Variants in INVS observed in about 807,000 individuals in gnomAD.
The protein encoded by INVS is inversion of embryo turning homolog.
A neutral mutation model predicts 108.8 loss-of-function variants in INVS; 86 were observed. That is an observed-to-expected ratio of 0.79 (90% CI 0.66 to 0.95). The LOEUF (loss-of-function observed/expected upper bound fraction) is 0.95. Ranked by LOEUF, INVS falls within the 40% of genes least tolerant of loss-of-function variation. The pLI, the probability that INVS is intolerant of heterozygous loss-of-function variation, is 0.00. For missense variants in INVS, 1,169 were observed against 1,297.4 expected (o/e 0.90, Z 1.52); for synonymous variants, 455 against 473.5 (o/e 0.96, Z 0.51).
intron 16 of INVS, 196 bp downstream of exon 16, chr9:100,298,206 T>C (rs781657889): frequency 5.4e-6 from 8 of 1,487,532 alleles, no homozygotes; most frequent in Non-Finnish European, 7.1e-6. Flanking sequence ...TAAAAGCTAT[T>C]ATTGTTAACA....
At chr9:100,276,983 G>C (rs1394886007) in intron 12 of INVS, among the ~76,000 whole-genome samples, 1 of 152,206 alleles carries the variant, frequency 6.6e-6, no homozygotes, top group Admixed American at 6.5e-5. Context: ...TTCCTGGCTA[G>C]TATATGTGAT....
At chr9:100,197,512 C>T (rs1055435127) in intron 3 of INVS, among the ~76,000 whole-genome samples, 1 of 152,182 alleles carries the variant, frequency 6.6e-6, no homozygotes, top group African/African-American at 2.4e-5. Context: ...GAGTGGGGTG[C>T]ACCACCCTCC....
chr9:100,202,506 ATTTC>A (rs1830561651), intron 3 of INVS, among the ~76,000 whole-genome samples: 1 of 152,100 alleles, frequency 6.6e-6, no homozygotes, highest in Non-Finnish European at 1.5e-5. Context: ...TGTTATACAA[ATTTC>A]TTTATTTCCT....
chr9:100,147,879 A>G (rs146872485), intron 3 of INVS, among the ~76,000 whole-genome samples: 14 of 152,230 alleles, frequency 9.2e-5, no homozygotes, highest in Non-Finnish European at 1.5e-4. Flanking sequence ...ATAAATTGCT[A>G]AGAAAATTTA....
At chr9:100,100,918 G>A (rs1412865550) in intron 1 of INVS, among the ~76,000 whole-genome samples, 133 of 13,106 alleles carry the variant, frequency 0.01, 6 homozygotes, top group African/African-American at 0.045. Flanking sequence ...TATATTATAT[G>A]TATATATATA....
chr9:100,212,352 T>G (rs1203858582), intron 3 of INVS, among the ~76,000 whole-genome samples: 2 of 152,214 alleles, frequency 1.3e-5, no homozygotes, highest in African/African-American at 4.8e-5. Flanking sequence ...ATTTCCAATT[T>G]ATATTCTTTG....
At chr9:100,214,582 A>G (rs1268201528) in intron 3 of INVS, among the ~76,000 whole-genome samples, 2 of 152,240 alleles carry the variant, frequency 1.3e-5, no homozygotes, top group Non-Finnish European at 2.9e-5. Context: ...CAGAAGAAGC[A>G]TATGGATTTG....
chr9:100,185,385 C>T (rs1830022756), intron 3 of INVS, among the ~76,000 whole-genome samples: 2 of 151,468 alleles, frequency 1.3e-5, no homozygotes, highest in Non-Finnish European at 2.9e-5. Context: ...CAACCAGTCA[C>T]CACCTCCATG....
Position 100,180,391 on chromosome 9 carries a change from TAAAG to T in INVS, c.274-45668_274-45665del, listed in dbSNP as rs1829853937. Among the ~76,000 whole-genome samples the T allele has an allele frequency of 2.8e-5, 4 of 141,362 alleles. No homozygotes were observed. In the South Asian group the frequency reaches 9.2e-4, roughly 32 times the overall value. The allele number at this position is 141,362 out of a possible 152,430, so 92.7% of individuals were successfully genotyped here. A position where few individuals can be genotyped will look rare whatever the true frequency, so the allele number is the denominator to read the frequency against. ...ACAGGTAGACCACCACCCAGACTAA[TAAAG>T]AAGAAAAGAGAAAAGAATAAAATAG... On this transcript the variant is annotated intron_variant, in intron 3 of 16. Coordinates refer to ENST00000262457, the MANE Select transcript of INVS (RefSeq NM_014425.5).
At chr9:100,262,423 T>G (rs963758457) in intron 10 of INVS, among the ~76,000 whole-genome samples, 1 of 152,062 alleles carries the variant, frequency 6.6e-6, no homozygotes, top group Admixed American at 6.6e-5. Flanking sequence ...TCTAATTATT[T>G]TTCTTTCAGC....
chr9:100,226,747 A>G (rs1247254182), intron 4 of INVS, among the ~76,000 whole-genome samples: 1 of 139,482 alleles, frequency 7.2e-6, no homozygotes, highest in Non-Finnish European at 1.5e-5. Context: ...TGGGAGGCAG[A>G]GGTTTCAGTG....
intron 14 of INVS, among the ~76,000 whole-genome samples, chr9:100,295,015 G>A (rs1008409409): frequency 6.6e-5 from 10 of 152,264 alleles, no homozygotes; most frequent in Admixed American, 1.3e-4. Context: ...CAAGACAGTC[G>A]GCCTCGAAAG....
intron 3 of INVS, among the ~76,000 whole-genome samples, chr9:100,159,743 G>A (rs1217554446): frequency 6.6e-6 from 1 of 152,122 alleles, no homozygotes; most frequent in South Asian, 2.1e-4. Context: ...ATTACCAGGT[G>A]TCTCTGCTTG....
chr9:100,138,212 C>G (rs10988980), intron 3 of INVS, among the ~76,000 whole-genome samples: 31,827 of 151,910 alleles, frequency 0.21, 5,664 homozygotes, highest in African/African-American at 0.49. Context: ...TCGAGACCAG[C>G]CTGGCCAATG....
intron 3 of INVS, among the ~76,000 whole-genome samples, chr9:100,135,664 C>G (rs1828200653): frequency 6.6e-6 from 1 of 152,094 alleles, no homozygotes; most frequent in Admixed American, 6.6e-5. Context: ...GTAGGATATA[C>G]TAGTCCAGGT....
chr9:100,296,148 C>G (rs1833785215), intron 14 of INVS, among the ~76,000 whole-genome samples: 1 of 152,166 alleles, frequency 6.6e-6, no homozygotes, highest in Non-Finnish European at 1.5e-5. Context: ...AAGCCTGTTG[C>G]TCTCTGCAGC....
intron 3 of INVS, chr9:100,131,913 A>G: frequency 1.0e-6 from 1 of 983,002 alleles, no homozygotes; most frequent in Non-Finnish European, 1.2e-6. Context: ...TACAAAAAGG[A>G]GAAAGAATAC....
intron 10 of INVS, among the ~76,000 whole-genome samples, chr9:100,261,424 C>A (rs1041102615): frequency 6.6e-6 from 1 of 152,128 alleles, no homozygotes; most frequent in South Asian, 2.1e-4. Context: ...TGCCACCATG[C>A]CTAGCTAATT....
intron 3 of INVS, among the ~76,000 whole-genome samples, chr9:100,165,646 T>C (rs943528960): frequency 3.9e-5 from 6 of 152,158 alleles, no homozygotes; most frequent in Non-Finnish European, 7.4e-5. Flanking sequence ...AGGCCTAGAA[T>C]TTTTTAGTAT....
Sources: gnomAD v4.1 joint callset for allele counts (sites outside exome capture counted in the v4.1 genomes callset) on GRCh38, gnomAD v4.1.1 for gene constraint, MANE v1.5 for transcripts, NCBI Gene and HGNC (gene_info 2026-07-23, HGNC 2026-07-21) for gene names.